Variants in MSL2 observed in about 807,000 individuals in gnomAD.
The protein encoded by MSL2 is MSL complex subunit 2.
Under a neutral mutation model 35.8 loss-of-function variants are expected in MSL2, and 2 were observed. The ratio of observed to expected loss-of-function variants is 0.06; its 90% confidence interval spans 0.02 to 0.18. MSL2 has a LOEUF of 0.18. MSL2 is among the 10% of genes least tolerant of loss of function. The pLI, the probability that MSL2 is intolerant of heterozygous loss-of-function variation, is 1.00. For missense variants in MSL2, 523 were observed against 706.7 expected, an observed-to-expected ratio of 0.74 and a Z score of 2.95; for synonymous variants, 296 against 255.7, an observed-to-expected ratio of 1.16 and a Z score of -1.50.
At chr3:136,171,944 T>TGAAGTGCA (rs1940037299) in intron 1 of MSL2, among the ~76,000 whole-genome samples, 2 of 152,108 alleles carry the variant, frequency 1.3e-5, no homozygotes, top group Non-Finnish European at 2.9e-5. Context: ...TCGCTTAGGA[T>TGAAGTGCA]GAAGTGCAGT....
At chr3:136,191,697 C>T (rs964855642) in intron 1 of MSL2, among the ~76,000 whole-genome samples, 2 of 152,100 alleles carry the variant, frequency 1.3e-5, no homozygotes, top group African/African-American at 4.8e-5. Context: ...TGCATGAATC[C>T]AGGAGTTTAA....
chr3:136,173,203 T>G (rs771917142), intron 1 of MSL2, among the ~76,000 whole-genome samples: 20 of 152,142 alleles, frequency 1.3e-4, no homozygotes, highest in Non-Finnish European at 1.0e-4. Context: ...TGGAACATAC[T>G]TCTTTCTAGA....
intron 1 of MSL2, among the ~76,000 whole-genome samples, chr3:136,190,853 T>G (rs1940666156): frequency 1.3e-5 from 2 of 152,212 alleles, no homozygotes; most frequent in African/African-American, 4.8e-5. Flanking sequence ...CCATAGTGAT[T>G]TTTGTCTTGG....
intron 1 of MSL2, among the ~76,000 whole-genome samples, chr3:136,170,368 AT>A (rs1196109497): frequency 2.0e-5 from 3 of 151,010 alleles, no homozygotes; most frequent in Admixed American, 2.0e-4. Flanking sequence ...AAAAAAAACC[AT>A]TGTTAACTAT....
At position 136,150,824 on chromosome 3, in the gene MSL2, T is replaced by C. The variant is rs768947420; in HGVS notation, c.*323A>G. 1.8e-4 allele frequency: 42 copies of C among 237,372 alleles called. No homozygotes were observed. Among genetic ancestry groups the C allele is most frequent in the Non-Finnish European group, 1.7e-5 (2 of 119,312 alleles). The allele number at this position is 237,372 out of a possible 1,614,324, so 14.7% of individuals were successfully genotyped here. ...CACTTCCTTACATTTAATCATAAAC[T>C]TTGATTATGCACAAAGCATGGCCAT... On this transcript the variant is annotated 3_prime_UTR_variant, in exon 2 of 2. Coordinates refer to ENST00000309993, the MANE Select transcript of MSL2 (RefSeq NM_018133.4).
intron 1 of MSL2, among the ~76,000 whole-genome samples, chr3:136,172,855 C>T (rs1940065940): frequency 6.6e-6 from 1 of 152,010 alleles, no homozygotes; most frequent in African/African-American, 2.4e-5. Flanking sequence ...GACATGACAC[C>T]ATACAAACTT....
At position 136,151,933 on chromosome 3, in the gene MSL2, A is replaced by C; in HGVS notation, c.948T>G (p.Phe316Leu). ...CATGAAGTGCAGGACTGGTGGACAT[A>C]AAAACATTATGGCTAAGAGACTGGG... Reference protein sequence around the residue: ...LSSQSLSHNVFMSTSPALHGL... With the variant: ...LSSQSLSHNVLMSTSPALHGL... Residue 316 changes from phenylalanine to leucine, a missense_variant, in exon 2 of 2, where the codon TTT (phenylalanine) becomes TTG (leucine). By Grantham distance (22) the Phe-to-Leu change is conservative. Coordinates refer to ENST00000309993, the MANE Select transcript of MSL2 (RefSeq NM_018133.4). The surrounding 1 kb of genome is among the most constrained non-coding windows in gnomAD (Gnocchi z 5.2). 1 of 1,614,214 alleles carries C rather than the reference A, an allele frequency of 6.2e-7. No homozygotes were observed. Among genetic ancestry groups the C allele is most frequent in the Non-Finnish European group, 8.5e-7 (1 of 1,180,044 alleles).
chr3:136,180,625 G>A (rs887648493), intron 1 of MSL2, among the ~76,000 whole-genome samples: 31 of 150,090 alleles, frequency 2.1e-4, no homozygotes, highest in Admixed American at 1.3e-4. Flanking sequence ...GCTGGAACCC[G>A]GGAGGCGGAG....
At chr3:136,160,333 A>G (rs1274790207) in intron 1 of MSL2, among the ~76,000 whole-genome samples, 7 of 20,080 alleles carry the variant, frequency 3.5e-4, no homozygotes, top group South Asian at 3.5e-3. Context: ...GAAGGAGGGA[A>G]GGAAGGAGGG....
rs1576368777 is a variant in MSL2, at chr3:136,176,581, T to C, written c.142+18391A>G. ...GTGGTTCATGCCTATCATCTCAGCA[T>C]TGGGAGGCTGAGGCAGGAGAATCAC... On this transcript the variant is annotated intron_variant, in intron 1 of 1. Transcript: ENST00000309993. 4.0e-5 allele frequency among the ~76,000 whole-genome samples: 6 copies of C among 148,370 alleles called. No homozygotes were observed. In the South Asian group the frequency reaches 8.6e-4, roughly 21 times the overall value.
intron 1 of MSL2, among the ~76,000 whole-genome samples, chr3:136,169,978 G>A (rs539392627): frequency 6.6e-6 from 1 of 151,786 alleles, no homozygotes; most frequent in East Asian, 2.0e-4. Context: ...TTGAGCCCAG[G>A]AGGTGAAAGA....
chr3:136,194,480 G>A (rs1940779249), intron 1 of MSL2: 3 of 985,652 alleles, frequency 3.0e-6, no homozygotes, highest in African/African-American at 1.8e-5. Flanking sequence ...GAGGAACCTG[G>A]GGCAAAGTTC....
rs900258061 is a variant in MSL2 at position 136,195,368 on chromosome 3, T to C, written c.-255A>G. ...AGAGAGAAACCAGCGTTCGAGTTCGTCCGGAGCGACCACAGAGCGCAGAAC... is the reference window on the plus strand; with the variant it reads ...AGAGAGAAACCAGCGTTCGAGTTCGCCCGGAGCGACCACAGAGCGCAGAAC... On this transcript the variant is annotated 5_prime_UTR_variant, in exon 1 of 2. Transcript: ENST00000309993. The C allele has an allele frequency of 8.1e-7, 1 of 1,236,946 alleles. No individual in the cohort carries two copies. The highest frequency in any genetic ancestry group is 1.0e-6 in the Non-Finnish European group (1 of 986,482). 76.6% of individuals were successfully genotyped at this position (1,236,946 alleles called of 1,614,324 possible).
intron 1 of MSL2, among the ~76,000 whole-genome samples, chr3:136,180,574 C>G (rs918893308): frequency 6.6e-6 from 1 of 151,298 alleles, no homozygotes; most frequent in African/African-American, 2.4e-5. Flanking sequence ...GAGGCTGGCA[C>G]CTGTAATCCC....
intron 1 of MSL2, among the ~76,000 whole-genome samples, chr3:136,176,784 T>C (rs1026423678): frequency 5.3e-5 from 8 of 152,198 alleles, no homozygotes; most frequent in Non-Finnish European, 1.2e-4. Flanking sequence ...TGGAAGCTTC[T>C]TGAGACCCTC....
intron 1 of MSL2, among the ~76,000 whole-genome samples, chr3:136,153,307 A>G (rs529059150): frequency 6.6e-6 from 1 of 152,310 alleles, no homozygotes; most frequent in South Asian, 2.1e-4. Context: ...GAACAAAATC[A>G]TATTGATTAT....
chr3:136,152,991 C>T (rs545063858), intron 1 of MSL2: 5 of 985,418 alleles, frequency 5.1e-6, no homozygotes, highest in South Asian at 4.7e-5. Context: ...CCAAGCAATA[C>T]GTTCTGGTCC....
chr3:136,171,131 C>T (rs1333718617), intron 1 of MSL2, among the ~76,000 whole-genome samples: 1 of 152,116 alleles, frequency 6.6e-6, no homozygotes, highest in Non-Finnish European at 1.5e-5. Flanking sequence ...GAAAATGAGA[C>T]ATGTTAAATC....
intron 1 of MSL2, chr3:136,156,118 T>C (rs1393548568): frequency 4.2e-5 from 8 of 189,154 alleles, no homozygotes; most frequent in South Asian, 4.1e-4. Context: ...CCAGTATTTC[T>C]TGATACATGT....
Sources: gnomAD v4.1 joint callset for allele counts (sites outside exome capture counted in the v4.1 genomes callset) on GRCh38, gnomAD v4.1.1 for gene constraint, Gnocchi (gnomAD v3.1) non-coding constraint, MANE v1.5 for transcripts, NCBI Gene and HGNC (gene_info 2026-07-23, HGNC 2026-07-21) for gene names.